HNRNPUL2: variants seen among roughly 807,000 people sequenced by gnomAD.
The protein encoded by HNRNPUL2 is heterogeneous nuclear ribonucleoprotein U like 2, also known as heterogeneous nuclear ribonucleoprotein U-like protein 2.
A neutral mutation model predicts 102.2 loss-of-function variants in HNRNPUL2; 27 were observed. The observed-to-expected ratio is 0.26, with a 90% CI of 0.19 to 0.36. The LOEUF (loss-of-function observed/expected upper bound fraction) is 0.36. Ranked by LOEUF, HNRNPUL2 falls within the 10% of genes least tolerant of loss-of-function variation. HNRNPUL2 has a pLI of 1.00. For missense variants in HNRNPUL2, 936 were observed against 981.1 expected (o/e 0.95, Z 0.61); for synonymous variants, 458 against 387.2 (o/e 1.18, Z -2.15).
intron 4 of HNRNPUL2, 121 bp downstream of exon 4, chr11:62,723,466 G>A: frequency 9.4e-7 from 1 of 1,064,038 alleles, no homozygotes; most frequent in South Asian, 1.7e-5. Flanking sequence ...ACTCCAGCCT[G>A]GGTAACAAGA....
In HNRNPUL2 at chr11:62,721,802, T is replaced by A; in HGVS notation, c.1482+18A>T. 6.2e-7 allele frequency: 1 copy of A among 1,613,660 alleles called. No individual in the cohort carries two copies. Among genetic ancestry groups the A allele is most frequent in the Non-Finnish European group, 8.5e-7 (1 of 1,179,634 alleles). ...GTCTCCAAATACTGTATCCGACAAA[T>A]CCCCAACAGCAACTTACCCTCATTT... is the stretch of plus-strand genomic sequence containing the variant. On this transcript the variant is annotated intron_variant, in intron 8 of 13. Transcript: ENST00000301785.
intron 1 of HNRNPUL2, 52 bp from the exon 2 acceptor site, chr11:62,724,478 T>A (rs778685177): frequency 1.6e-4 from 260 of 1,604,946 alleles, no homozygotes; most frequent in Non-Finnish European, 2.1e-4. Context: ...GAGTGTAGAA[T>A]AAGCTCACAA....
rs2083633929 is a variant in HNRNPUL2 at position 62,713,412 on chromosome 11, A to ATAC, written c.*1884_*1886dup. 6.6e-6 allele frequency: 1 copy of ATAC among 152,228 alleles called. No individual in the cohort carries two copies. The allele number at this position is 152,228 out of a possible 1,614,324, so 9.4% of individuals were successfully genotyped here. The stretch of plus-strand genomic sequence containing the variant: ...GCTTTCTCAAACTCCCTTAATAATA[A>ATAC]TACAAAGTTAATGTGTTACAGAAAA... On this transcript the variant is annotated 3_prime_UTR_variant, in exon 14 of 14. Transcript: ENST00000301785.
chr11:62,723,546 G>C (rs766009050), intron 4 of HNRNPUL2, 41 bp downstream of exon 4: 2 of 1,543,992 alleles, frequency 1.3e-6, no homozygotes, highest in Non-Finnish European at 1.8e-6. Flanking sequence ...TAAGCATCCA[G>C]TAATAAATGA....
chr11:62,715,645 G>C (rs768791541), intron 12 of HNRNPUL2, 38 bp from the exon 13 acceptor site: 3 of 1,491,462 alleles, frequency 2.0e-6, no homozygotes, highest in South Asian at 2.3e-5. Flanking sequence ...AGGTTTATGG[G>C]TTTTTGGCAG....
In HNRNPUL2 at chr11:62,713,134, C is replaced by T. The variant is rs775898786; in HGVS notation, c.*2165G>A. 3.3e-5 allele frequency: 5 copies of T among 152,118 alleles called. No individual in the cohort carries two copies. The highest frequency in any genetic ancestry group is 5.9e-5 in the Non-Finnish European group (4 of 68,022). 9.4% of individuals were successfully genotyped at this position (152,118 alleles called of 1,614,324 possible). On this transcript the variant is annotated 3_prime_UTR_variant, in exon 14 of 14. Coordinates refer to ENST00000301785, the MANE Select transcript of HNRNPUL2 (RefSeq NM_001079559.3). ...ACTTTCTAGTGTCAAATATCAACAG[C>T]GAGTACCTCCCCTAACCCCTGCTGG...
chr11:62,717,679 A>C (rs560987372), intron 10 of HNRNPUL2, among the ~76,000 whole-genome samples: 1 of 152,334 alleles, frequency 6.6e-6, no homozygotes, highest in African/African-American at 2.4e-5. Context: ...AACATGGTGA[A>C]ACCCTGTCTC....
intron 10 of HNRNPUL2, among the ~76,000 whole-genome samples, chr11:62,717,919 C>G (rs1050932830): frequency 8.5e-5 from 13 of 152,234 alleles, no homozygotes; most frequent in Admixed American, 3.3e-4. Flanking sequence ...CTGCCAGTCT[C>G]TGGACGTCAA....
chr11:62,715,748 T>G, intron 12 of HNRNPUL2, 116 bp downstream of exon 12: 2 of 1,161,208 alleles, frequency 1.7e-6, no homozygotes, highest in Non-Finnish European at 2.6e-6. Context: ...TTCCAGAACA[T>G]ATTAAATGGG....
At chr11:62,722,444 A>T (rs2083710712) in intron 6 of HNRNPUL2, 64 bp from the exon 7 acceptor site, 1 of 1,561,266 alleles carries the variant, frequency 6.4e-7, no homozygotes, top group East Asian at 2.2e-5. Flanking sequence ...TAAACTTTAC[A>T]ATTTATTCTT....
intron 1 of HNRNPUL2, among the ~76,000 whole-genome samples, chr11:62,725,282 C>T (rs1481856549): frequency 2.0e-5 from 3 of 152,202 alleles, no homozygotes; most frequent in Non-Finnish European, 1.5e-5. Flanking sequence ...ACCGCAACCT[C>T]CGCCTCCCGG....
At position 62,722,707 on chromosome 11, in the gene HNRNPUL2, T is replaced by C. The variant is rs745522368; in HGVS notation, c.989A>G (p.Asp330Gly). The change falls in exon 6 of 14, where the codon GAT becomes GGT. Residue 330 changes from aspartate (D) to glycine (G), a missense_variant. Physicochemically the swap from Asp to Gly is moderately conservative, Grantham distance 94 (BLOSUM62 -1). This residue lies in a region of HNRNPUL2 where 609 missense variants were observed against 713.0 expected (regional missense o/e 0.85). Transcript: ENST00000301785. ...VDFSRPQLGE[D>G]EFSYGFDGRG... The stretch of plus-strand genomic sequence containing the variant: ...TCCATCGAAACCGTAAGAGAATTCA[T>C]CTTCACCTAGAACAGTCAACAAATT... The C allele has an allele frequency of 1.1e-5, 18 of 1,613,632 alleles. No homozygotes were observed. Among genetic ancestry groups the C allele is most frequent in the East Asian group, 2.2e-5 (1 of 44,898 alleles).
chr11:62,715,953 A>G lies in HNRNPUL2; in HGVS notation c.1982-16T>C. ...TGCCCGCCCACTGGAAGAGAAATGG[A>G]GAGCGCGCTCAGACAGCTGGCATGG... is the stretch of plus-strand genomic sequence containing the variant. On this transcript the variant is annotated splice_polypyrimidine_tract_variant and intron_variant, in intron 11 of 13. Coordinates refer to ENST00000301785, the MANE Select transcript of HNRNPUL2 (RefSeq NM_001079559.3). The G allele has an allele frequency of 6.3e-7, 1 of 1,585,928 alleles. No individual in the cohort carries two copies. The highest frequency in any genetic ancestry group is 8.6e-7 in the Non-Finnish European group (1 of 1,163,864).
chr11:62,715,294 G>A lies in HNRNPUL2; in HGVS notation c.*5C>T, dbSNP rs766175922. The A allele has an allele frequency of 9.3e-6, 15 of 1,609,950 alleles. No homozygotes were observed. In the Admixed American group the frequency reaches 1.8e-4, roughly 20 times the overall value. On this transcript the variant is annotated 3_prime_UTR_variant, in exon 14 of 14. Coordinates refer to ENST00000301785, the MANE Select transcript of HNRNPUL2 (RefSeq NM_001079559.3). The stretch of plus-strand genomic sequence containing the variant: ...CATGGCTGACAGGTGACCATGGCAG[G>A]GGCTTCACCGATACCCTTGGTACCC...
rs1306516499 is a variant in HNRNPUL2, at chr11:62,726,733, T to G, written c.424A>C (p.Asn142His). The G allele has an allele frequency of 2.7e-5, 43 of 1,600,972 alleles. No homozygotes were observed. The Admixed American group carries it at 7.2e-4, about 27-fold the overall frequency. The change falls in exon 1 of 14, where the codon AAT becomes CAT. Residue 142 changes from asparagine to histidine, a missense_variant. Asn to His is a moderately conservative substitution (Grantham distance 68, BLOSUM62 1). Transcript: ENST00000301785. Reference sequence around the variant, plus strand: ...CCGAGGCCCTGCTCTTCGCCACCATTTACCCCGCCTGACCCGGCCGTGGCC... The same window carrying G: ...CCGAGGCCCTGCTCTTCGCCACCATGTACCCCGCCTGACCCGGCCGTGGCC... Reference protein sequence around the residue: ...AEATAGSGGVNGGEEQGLGKR... With the variant: ...AEATAGSGGVHGGEEQGLGKR...
intron 9 of HNRNPUL2, among the ~76,000 whole-genome samples, chr11:62,720,781 A>G (rs2083695752): frequency 6.8e-6 from 1 of 146,602 alleles, no homozygotes; most frequent in Admixed American, 6.9e-5. Flanking sequence ...GGAAAATAGC[A>G]TGAACCTACG....
At chr11:62,718,841 G>A (rs79512653) in intron 10 of HNRNPUL2, among the ~76,000 whole-genome samples, 1 of 136,858 alleles carries the variant, frequency 7.3e-6, no homozygotes, top group South Asian at 2.3e-4. Context: ...TTTTTTTTTT[G>A]AGACCGAGTC....
intron 8 of HNRNPUL2, 63 bp from the exon 9 acceptor site, chr11:62,721,486 C>A: frequency 6.9e-7 from 1 of 1,449,700 alleles, no homozygotes; most frequent in Non-Finnish European, 9.4e-7. Flanking sequence ...CAAGTTAAAG[C>A]CCAAGAGTTA....
In HNRNPUL2 at chr11:62,724,481, G is replaced by A. The variant is rs114689672; in HGVS notation, c.539-55C>T. The A allele has an allele frequency of 2.9e-3, 4,661 of 1,595,808 alleles. 64 individuals carry two copies. In the African/African-American group the frequency reaches 0.038, roughly 13 times the overall value. On this transcript the variant is annotated intron_variant, in intron 1 of 13. Transcript: ENST00000301785. ...GTTTTCATACTGGAGTGTAGAATAA[G>A]CTCACAACTAATAGACACTAACAGG...
Sources: gnomAD v4.1 joint callset for allele counts (sites outside exome capture counted in the v4.1 genomes callset) on GRCh38, gnomAD v4.1.1 for gene constraint, gnomAD v4.1.1 regional missense constraint, MANE v1.5 for transcripts, NCBI Gene and HGNC (gene_info 2026-07-23, HGNC 2026-07-21) for gene names.